PTCHD4: variants seen among roughly 807,000 people sequenced by gnomAD.
The protein encoded by PTCHD4 is patched domain-containing protein 4.
Under a neutral mutation model 58.1 loss-of-function variants are expected in PTCHD4, and 33 were observed. The ratio of observed to expected loss-of-function variants is 0.57; its 90% CI spans 0.43 to 0.76. The LOEUF (loss-of-function observed/expected upper bound fraction) is 0.76, where lower values mean the gene tolerates loss of function less well. Ranked by LOEUF, PTCHD4 falls within the 30% of genes least tolerant of loss-of-function variation. The probability of loss-of-function intolerance (pLI) is 0.00; values close to 1 mark genes in which losing one functional copy is unlikely to be tolerated. For synonymous variants in PTCHD4, 478 were observed against 409.6 expected (o/e 1.17, Z -2.02); for missense variants, 1,058 against 1,027.1 (o/e 1.03, Z -0.41).
At chr6:48,046,045 A>G (rs1008097386) in intron 3 of PTCHD4, among the ~76,000 whole-genome samples, 6 of 151,850 alleles carry the variant, frequency 4.0e-5, no homozygotes, top group Non-Finnish European at 7.4e-5. Context: ...TTGGAACTAG[A>G]TATTCAGACA....
intron 3 of PTCHD4, among the ~76,000 whole-genome samples, chr6:48,035,458 A>G (rs1210955510): frequency 1.3e-5 from 2 of 152,146 alleles, no homozygotes; most frequent in Non-Finnish European, 2.9e-5. Flanking sequence ...CAGAAATTAT[A>G]TTAAAAAATT....
rs568091165 is a variant in PTCHD4 at position 47,868,108 on chromosome 6, A to C, written c.*10195T>G. Among the ~76,000 whole-genome samples the C allele has an allele frequency of 6.6e-6, 1 of 151,908 alleles. No individual in the cohort carries two copies. The highest frequency in any genetic ancestry group is 2.4e-5 in the African/African-American group (1 of 41,534). On this transcript the variant is annotated 3_prime_UTR_variant, in exon 5 of 5. Transcript: ENST00000339488. ...TAACTAAGCTAATGAACAGAAACTA[A>C]ATAAAAAAAAGGTTTCAGTTCAGTT...
intron 4 of PTCHD4, chr6:47,901,768 TGATGATGATGAC>T (rs1447010252): frequency 4.1e-6 from 5 of 1,234,068 alleles, no homozygotes; most frequent in Non-Finnish European, 3.1e-6. Context: ...GTGGTGATGA[TGATGATGATGAC>T]GATGATGATG....
At chr6:48,107,925 G>A (rs1765770215) in intron 1 of PTCHD4, among the ~76,000 whole-genome samples, 1 of 152,178 alleles carries the variant, frequency 6.6e-6, no homozygotes, top group African/African-American at 2.4e-5. Flanking sequence ...CAGTTAGAAT[G>A]GAGATCATTA....
At chr6:47,964,449 C>G (rs1767210446) in intron 4 of PTCHD4, among the ~76,000 whole-genome samples, 1 of 152,038 alleles carries the variant, frequency 6.6e-6, no homozygotes, top group Admixed American at 6.5e-5. Flanking sequence ...TACACAGATC[C>G]CTTTTGCTCC....
chr6:48,094,486 G>T (rs376071873), intron 1 of PTCHD4, among the ~76,000 whole-genome samples: 1 of 152,188 alleles, frequency 6.6e-6, no homozygotes, highest in African/African-American at 2.4e-5. Context: ...AGTCTGCAAA[G>T]GCCCCACTGA....
At chr6:47,976,633 C>T (rs977888514) in intron 4 of PTCHD4, among the ~76,000 whole-genome samples, 1 of 149,630 alleles carries the variant, frequency 6.7e-6, no homozygotes, top group Non-Finnish European at 1.5e-5. Context: ...CAGCCTGGGC[C>T]ACAAGAGCGG....
intron 4 of PTCHD4, among the ~76,000 whole-genome samples, chr6:47,943,783 C>A (rs931214470): frequency 1.3e-5 from 2 of 152,010 alleles, no homozygotes; most frequent in African/African-American, 4.8e-5. Context: ...AAGTTTCTTT[C>A]CCCTGGTTTA....
intron 3 of PTCHD4, among the ~76,000 whole-genome samples, chr6:48,025,522 C>G (rs1763214716): frequency 6.6e-6 from 1 of 152,082 alleles, no homozygotes; most frequent in Admixed American, 6.6e-5. Context: ...CTATGTCACC[C>G]CATATGAATA....
At chr6:47,966,442 G>A (rs1024434945) in intron 4 of PTCHD4, among the ~76,000 whole-genome samples, 1 of 152,170 alleles carries the variant, frequency 6.6e-6, no homozygotes, top group Admixed American at 6.5e-5. Context: ...CAATGTTGAT[G>A]GTGCTGACTG....
chr6:48,066,580 T>C (rs924977353), intron 3 of PTCHD4, among the ~76,000 whole-genome samples: 1 of 152,204 alleles, frequency 6.6e-6, no homozygotes, highest in Non-Finnish European at 1.5e-5. Flanking sequence ...TAGCAAGCAA[T>C]AATGTTGATG....
At chr6:48,010,103 A>T (rs575467545) in intron 3 of PTCHD4, among the ~76,000 whole-genome samples, 1 of 152,332 alleles carries the variant, frequency 6.6e-6, no homozygotes, top group African/African-American at 2.4e-5. Flanking sequence ...ACTATCATTT[A>T]TTTCAATGGC....
At chr6:47,954,546 T>TG (rs1431222034) in intron 4 of PTCHD4, among the ~76,000 whole-genome samples, 1 of 152,300 alleles carries the variant, frequency 6.6e-6, no homozygotes, top group Admixed American at 6.5e-5. Flanking sequence ...TAGTGATAGA[T>TG]GGACATGAAC....
At chr6:48,007,050 C>A (rs1166920042) in intron 4 of PTCHD4, among the ~76,000 whole-genome samples, 1 of 152,052 alleles carries the variant, frequency 6.6e-6, no homozygotes, top group Non-Finnish European at 1.5e-5. Context: ...ATCAGCCTGG[C>A]CAACACGGTG....
intron 4 of PTCHD4, among the ~76,000 whole-genome samples, chr6:47,897,171 G>T (rs548373672): frequency 6.6e-6 from 1 of 152,148 alleles, no homozygotes; most frequent in South Asian, 2.1e-4. Flanking sequence ...TAGTGTTAAA[G>T]AGAACATTTC....
At chr6:48,028,931 T>C (rs1021080024) in intron 3 of PTCHD4, among the ~76,000 whole-genome samples, 2 of 152,094 alleles carry the variant, frequency 1.3e-5, no homozygotes, top group African/African-American at 2.4e-5. Flanking sequence ...AAATGAGATA[T>C]TAAAAATAAT....
At chr6:47,889,606 G>T (rs1168333685) in intron 4 of PTCHD4, among the ~76,000 whole-genome samples, 2 of 151,892 alleles carry the variant, frequency 1.3e-5, no homozygotes, top group Non-Finnish European at 2.9e-5. Flanking sequence ...AATGGGGAAA[G>T]GATTCCCTAT....
rs931799370 is a variant in PTCHD4, at chr6:47,871,345, C to A, written c.*6958G>T. Reference sequence around the variant, plus strand: ...TTTGCCTAGAATAAACAAACAAACACCCGAACAGATTTTTTCCTCCAAGAA... The same window carrying A: ...TTTGCCTAGAATAAACAAACAAACAACCGAACAGATTTTTTCCTCCAAGAA... On this transcript the variant is annotated 3_prime_UTR_variant, in exon 5 of 5. Transcript: ENST00000339488. Among the ~76,000 whole-genome samples, 3 of 151,662 alleles carry A rather than the reference C, an allele frequency of 2.0e-5. No individual in the cohort carries two copies. The highest frequency in any genetic ancestry group is 7.2e-5 in the African/African-American group (3 of 41,448).
At position 47,865,682 on chromosome 6, in the gene PTCHD4, A is replaced by G. The variant is rs1763545858; in HGVS notation, c.*12621T>C. ...CAGGCCAATATTACCTTCATTGCTG[A>G]TGACCACAACAGCCTCCTAACTTAA... On this transcript the variant is annotated 3_prime_UTR_variant, in exon 5 of 5. Transcript: ENST00000339488. 6.6e-6 allele frequency among the ~76,000 whole-genome samples: 1 copy of G among 151,846 alleles called. No individual in the cohort carries two copies. Among genetic ancestry groups the G allele is most frequent in the African/African-American group, 2.4e-5 (1 of 41,388 alleles).
Sources: gnomAD v4.1 joint callset for allele counts (sites outside exome capture counted in the v4.1 genomes callset) on GRCh38, gnomAD v4.1.1 for gene constraint, MANE v1.5 for transcripts, NCBI Gene and HGNC (gene_info 2026-07-23, HGNC 2026-07-21) for gene names.